CAB39: variants seen among roughly 807,000 people sequenced by gnomAD.
The protein encoded by CAB39 is calcium binding protein 39.
In CAB39, 8 loss-of-function variants were observed where a neutral mutation model predicts 40.0. The ratio of observed to expected loss-of-function variants is 0.20; its 90% CI spans 0.12 to 0.36. CAB39 has a LOEUF of 0.36. CAB39 is among the 10% of genes least tolerant of loss of function. CAB39 has a pLI of 1.00. For synonymous variants in CAB39, 156 were observed against 141.6 expected (o/e 1.10, Z -0.72); for missense variants, 270 against 401.1 (o/e 0.67, Z 2.79).
chr2:230,759,554 A>G (rs1224186636), intron 1 of CAB39, among the ~76,000 whole-genome samples: 1 of 152,220 alleles, frequency 6.6e-6, no homozygotes, highest in Non-Finnish European at 1.5e-5. Flanking sequence ...AAACTTCACC[A>G]GTAAATAGGA....
At chr2:230,792,637 A>G (rs1400734504) in intron 3 of CAB39, among the ~76,000 whole-genome samples, 1 of 152,238 alleles carries the variant, frequency 6.6e-6, no homozygotes, top group Non-Finnish European at 1.5e-5. Flanking sequence ...GAACTACTGT[A>G]TCATGTGATA....
chr2:230,722,226 A>G (rs796394738), intron 1 of CAB39, among the ~76,000 whole-genome samples: 9 of 152,330 alleles, frequency 5.9e-5, no homozygotes, highest in African/African-American at 2.2e-4. Context: ...ATGAACTACT[A>G]AAATCAGCAT....
intron 1 of CAB39, among the ~76,000 whole-genome samples, chr2:230,738,132 G>A (rs564459093): frequency 1.3e-5 from 2 of 152,244 alleles, no homozygotes; most frequent in East Asian, 1.9e-4. Context: ...TTCAAGAAAC[G>A]TCTCCGCTGA....
At chr2:230,777,368 T>G (rs1004811076) in intron 2 of CAB39, among the ~76,000 whole-genome samples, 20 of 151,374 alleles carry the variant, frequency 1.3e-4, no homozygotes, top group African/African-American at 4.4e-4. Context: ...TTTTGTTTTT[T>G]TTTTTTTAAT....
chr2:230,794,123 T>G (rs1006428987), intron 4 of CAB39, among the ~76,000 whole-genome samples: 8 of 152,204 alleles, frequency 5.3e-5, no homozygotes, highest in African/African-American at 1.9e-4. Context: ...CTGGCATGAC[T>G]GTTGGTGTGA....
At chr2:230,746,694 TG>T (rs1453303951) in intron 1 of CAB39, among the ~76,000 whole-genome samples, 2 of 152,184 alleles carry the variant, frequency 1.3e-5, no homozygotes, top group African/African-American at 4.8e-5. Context: ...AAGAGCATCT[TG>T]GTTCTGGCCT....
chr2:230,750,582 TA>T (rs1695068363), intron 1 of CAB39, among the ~76,000 whole-genome samples: 1 of 152,172 alleles, frequency 6.6e-6, no homozygotes, highest in South Asian at 2.1e-4. Context: ...ATTTTTTTTT[TA>T]CTTCTCCATA....
intron 1 of CAB39, among the ~76,000 whole-genome samples, chr2:230,723,610 C>A (rs192571298): frequency 1.3e-3 from 198 of 152,296 alleles, no homozygotes; most frequent in Admixed American, 3.8e-3. Flanking sequence ...AAGGACCATG[C>A]TGTCACCATG....
intron 2 of CAB39, among the ~76,000 whole-genome samples, chr2:230,767,972 CT>C (rs1695416821): frequency 6.6e-6 from 1 of 152,228 alleles, no homozygotes; most frequent in African/African-American, 2.4e-5. Flanking sequence ...TGGCATTCCT[CT>C]TCCCCCTTAT....
At chr2:230,772,597 G>T (rs1428698320) in intron 2 of CAB39, among the ~76,000 whole-genome samples, 1 of 151,348 alleles carries the variant, frequency 6.6e-6, no homozygotes, top group Admixed American at 6.6e-5. Flanking sequence ...CCATTCTCCT[G>T]CCTCAGCCTC....
chr2:230,771,568 G>A (rs1695483745), intron 2 of CAB39, among the ~76,000 whole-genome samples: 1 of 152,184 alleles, frequency 6.6e-6, no homozygotes, highest in South Asian at 2.1e-4. Context: ...TGTATCTAGA[G>A]ATTCTGTGCA....
At chr2:230,799,713 A>G (rs1043956871) in intron 5 of CAB39, among the ~76,000 whole-genome samples, 3 of 152,238 alleles carry the variant, frequency 2.0e-5, no homozygotes, top group Non-Finnish European at 4.4e-5. Flanking sequence ...AATACTTGCC[A>G]GGCGCAGTGG....
intron 1 of CAB39, among the ~76,000 whole-genome samples, chr2:230,732,762 T>C (rs997675203): frequency 6.6e-5 from 10 of 152,198 alleles, no homozygotes; most frequent in Non-Finnish European, 1.5e-5. Context: ...TAAATGATGA[T>C]GATAATGAAG....
At position 230,811,977 on chromosome 2, in the gene CAB39, G is replaced by A. The variant is rs78277903; in HGVS notation, c.627+1655G>A. 3.8e-3 allele frequency among the ~76,000 whole-genome samples: 581 copies of A among 152,336 alleles called. 3 individuals are homozygous for A. Among genetic ancestry groups the A allele is most frequent in the Middle Eastern group, 0.01 (3 of 294 alleles). On this transcript the variant is annotated intron_variant, in intron 6 of 8. Transcript: ENST00000258418. Reference sequence around the variant, plus strand: ...TGAGGCAACAAATCTATAGAAAGCAGTCAGATCTTATAGAGGGAGAAGCAG... The same window carrying A: ...TGAGGCAACAAATCTATAGAAAGCAATCAGATCTTATAGAGGGAGAAGCAG...
intron 2 of CAB39, among the ~76,000 whole-genome samples, chr2:230,771,756 T>C (rs184584270): frequency 7.9e-4 from 121 of 152,306 alleles, no homozygotes; most frequent in African/African-American, 2.8e-3. Flanking sequence ...AAGATAGATA[T>C]ATTAATGGAA....
chr2:230,795,042 A>T (rs1575952139), intron 4 of CAB39, among the ~76,000 whole-genome samples: 1 of 152,294 alleles, frequency 6.6e-6, no homozygotes, highest in East Asian at 1.9e-4. Context: ...TTGGGAGGCC[A>T]AGGCGGGTGG....
At chr2:230,780,940 G>A (rs981880753) in intron 2 of CAB39, among the ~76,000 whole-genome samples, 2 of 152,048 alleles carry the variant, frequency 1.3e-5, no homozygotes, top group Non-Finnish European at 2.9e-5. Flanking sequence ...AACGTGGTCA[G>A]ACATGGTGGT....
intron 1 of CAB39, chr2:230,725,069 A>T (rs1404557014): frequency 6.6e-7 from 1 of 1,516,972 alleles, no homozygotes; most frequent in African/African-American, 1.4e-5. Context: ...TCCTTCGTAG[A>T]GGACAGGGGA....
intron 5 of CAB39, among the ~76,000 whole-genome samples, chr2:230,803,190 T>C (rs1225552075): frequency 6.6e-6 from 1 of 152,156 alleles, no homozygotes; most frequent in Non-Finnish European, 1.5e-5. Context: ...AAAAGGCCTT[T>C]GACAAAATTC....
Sources: allele counts gnomAD v4.1 joint callset (sites outside exome capture counted in the v4.1 genomes callset), GRCh38; gene constraint gnomAD v4.1.1; transcripts MANE v1.5; gene names NCBI Gene and HGNC (gene_info 2026-07-23, HGNC 2026-07-21).